Variants in SPATA16 observed in about 807,000 individuals in gnomAD.
SPATA16 encodes spermatogenesis-associated protein 16.
In SPATA16, 36 loss-of-function variants were observed where a neutral mutation model predicts 63.3. That is an observed-to-expected ratio of 0.57 (90% CI 0.44 to 0.75). The LOEUF (loss-of-function observed/expected upper bound fraction) is 0.75, where lower values mean the gene tolerates loss of function less well. Ranked by LOEUF, SPATA16 falls within the 30% of genes least tolerant of loss-of-function variation. SPATA16 has a pLI of 0.00. For missense variants in SPATA16, 646 were observed against 679.3 expected (o/e 0.95, Z 0.54); for synonymous variants, 203 against 216.7 (o/e 0.94, Z 0.56).
intron 4 of SPATA16, among the ~76,000 whole-genome samples, chr3:172,991,516 A>T (rs1016191749): frequency 1.3e-5 from 2 of 152,176 alleles, no homozygotes; most frequent in Non-Finnish European, 2.9e-5. Context: ...TAGAGATAAC[A>T]TGTATTTATC....
intron 6 of SPATA16, among the ~76,000 whole-genome samples, chr3:172,942,270 C>T (rs973917676): frequency 2.0e-5 from 3 of 151,982 alleles, no homozygotes; most frequent in Non-Finnish European, 4.4e-5. Context: ...AGATTGACTA[C>T]ATAAATAAGT....
At position 173,117,589 on chromosome 3, in the gene SPATA16, T is replaced by C. The variant is rs1224345614; in HGVS notation, c.143A>G (p.Lys48Arg). 6.2e-7 allele frequency: 1 copy of C among 1,613,684 alleles called. No individual in the cohort carries two copies. The highest frequency in any genetic ancestry group is 1.7e-5 in the Admixed American group (1 of 59,938). ...TACCTGTTTACCTCCACAGTTTTTC[T>C]TAATCTCTTGTGACATTTCCAGGAT... ...PNILEMSQEI[K>R]KNCGGKQVEI... Residue 48 changes from lysine to arginine, a missense_variant, in exon 2 of 11, where the codon AAG becomes AGG. By Grantham distance (26) the Lys-to-Arg change is conservative. Coordinates refer to ENST00000351008, the MANE Select transcript of SPATA16 (RefSeq NM_031955.6).
chr3:173,130,481 T>C (rs1458857502), intron 1 of SPATA16, among the ~76,000 whole-genome samples: 3 of 151,112 alleles, frequency 2.0e-5, no homozygotes, highest in African/African-American at 7.3e-5. Context: ...ACTTAACCCC[T>C]ACACTGTCCT....
chr3:172,962,312 T>C (rs931063553), intron 5 of SPATA16, among the ~76,000 whole-genome samples: 1 of 128,938 alleles, frequency 7.8e-6, no homozygotes, highest in South Asian at 2.6e-4. Flanking sequence ...TGGCACTACA[T>C]AGTGGAAGCA....
intron 10 of SPATA16, among the ~76,000 whole-genome samples, chr3:172,905,329 A>G (rs1732210899): frequency 6.6e-6 from 1 of 152,186 alleles, no homozygotes; most frequent in South Asian, 2.1e-4. Context: ...CTTCGAAAAG[A>G]CAGCAGTACC....
chr3:173,139,001 A>G (rs1259517525), intron 1 of SPATA16, among the ~76,000 whole-genome samples: 1 of 152,140 alleles, frequency 6.6e-6, no homozygotes, highest in Non-Finnish European at 1.5e-5. Flanking sequence ...TTTTATAATA[A>G]TTTTCCCCAT....
chr3:173,015,187 C>T (rs1370895946), intron 4 of SPATA16, among the ~76,000 whole-genome samples: 3 of 152,020 alleles, frequency 2.0e-5, no homozygotes, highest in Non-Finnish European at 4.4e-5. Context: ...CCTCAGCCTC[C>T]CAAGTAGCTG....
At position 173,117,588 on chromosome 3, in the gene SPATA16, C is replaced by T; in HGVS notation, c.144G>A (p.Lys48=). 1 of 1,613,458 alleles carries T rather than the reference C, an allele frequency of 6.2e-7. No homozygotes were observed. The highest frequency in any genetic ancestry group is 8.5e-7 in the Non-Finnish European group (1 of 1,179,736). The part of the protein sequence containing the change: ...PNILEMSQEI[K]KNCGGKQVEI... ...CTACCTGTTTACCTCCACAGTTTTT[C>T]TTAATCTCTTGTGACATTTCCAGGA... The change falls in exon 2 of 11, where the codon AAG becomes AAA. Residue 48 remains lysine, a synonymous_variant. Coordinates refer to ENST00000351008, the MANE Select transcript of SPATA16 (RefSeq NM_031955.6).
intron 1 of SPATA16, among the ~76,000 whole-genome samples, chr3:173,121,402 G>C (rs898028044): frequency 6.6e-6 from 1 of 152,066 alleles, no homozygotes; most frequent in Non-Finnish European, 1.5e-5. Context: ...TGAACATCTT[G>C]TTTATTCCAA....
At chr3:173,033,176 AT>A (rs1354488829) in intron 3 of SPATA16, among the ~76,000 whole-genome samples, 1 of 152,084 alleles carries the variant, frequency 6.6e-6, no homozygotes, top group African/African-American at 2.4e-5. Flanking sequence ...AAAAATATAT[AT>A]TTTTTTATAA....
chr3:173,038,494 G>T (rs1175146671), intron 3 of SPATA16, among the ~76,000 whole-genome samples: 2 of 151,996 alleles, frequency 1.3e-5, no homozygotes, highest in Non-Finnish European at 2.9e-5. Flanking sequence ...TGGATATCTA[G>T]TATTCATCAG....
rs199512283 is a variant in SPATA16, at chr3:172,956,685, A to G, written c.1073T>C (p.Met358Thr). The G allele has an allele frequency of 5.6e-6, 9 of 1,611,764 alleles. No homozygotes were observed. Among genetic ancestry groups the G allele is most frequent in the Admixed American group, 1.7e-5 (1 of 59,926 alleles). ...TKTHPAYAEY[M>T]YTDLQALHML... ...AAGATATTGAATCTTACCTGTGTAC[A>G]TATACTCTGCATATGCAGGATGAGT... The change falls in exon 6 of 11, where the codon ATG becomes ACG. Residue 358 changes from methionine (M) to threonine (T), a missense_variant. Physicochemically the swap from Met to Thr is moderately conservative, Grantham distance 81. Coordinates refer to ENST00000351008, the MANE Select transcript of SPATA16 (RefSeq NM_031955.6).
At chr3:173,072,490 T>TG (rs1185079774) in intron 2 of SPATA16, among the ~76,000 whole-genome samples, 1 of 152,172 alleles carries the variant, frequency 6.6e-6, no homozygotes, top group Non-Finnish European at 1.5e-5. Flanking sequence ...AATTGAATCA[T>TG]GGGGGCAATT....
intron 10 of SPATA16, among the ~76,000 whole-genome samples, chr3:172,913,371 A>C (rs1227706039): frequency 6.6e-6 from 1 of 152,150 alleles, no homozygotes; most frequent in African/African-American, 2.4e-5. Flanking sequence ...GAATTATAAA[A>C]CCGAGAACGA....
chr3:173,114,133 T>C (rs1577181455), intron 2 of SPATA16, among the ~76,000 whole-genome samples: 1 of 147,290 alleles, frequency 6.8e-6, no homozygotes, highest in East Asian at 2.0e-4. Flanking sequence ...TGAGCTGAGA[T>C]TGCACCACTG....
At chr3:173,041,842 T>G (rs1436274415) in intron 3 of SPATA16, among the ~76,000 whole-genome samples, 3 of 151,978 alleles carry the variant, frequency 2.0e-5, no homozygotes, top group Non-Finnish European at 2.9e-5. Flanking sequence ...TTAGGAGATA[T>G]ACCTAATGTT....
intron 6 of SPATA16, among the ~76,000 whole-genome samples, chr3:172,948,042 G>A (rs1459079179): frequency 6.6e-6 from 1 of 151,698 alleles, no homozygotes; most frequent in Non-Finnish European, 1.5e-5. Flanking sequence ...GAGGAAGTAG[G>A]GAGAGAGAGA....
chr3:172,897,710 G>C lies in SPATA16; in HGVS notation c.1588-8018C>G, dbSNP rs1356831662. 2.0e-5 allele frequency among the ~76,000 whole-genome samples: 3 copies of C among 151,968 alleles called. No homozygotes were observed. The East Asian group carries it at 5.8e-4, about 29-fold the overall frequency. On this transcript the variant is annotated intron_variant, in intron 10 of 10. Coordinates refer to ENST00000351008, the MANE Select transcript of SPATA16 (RefSeq NM_031955.6). ...ATTATGTTATCTGCAAATAGGGAAG[G>C]GCAGATTTATTTCTTCCTGTTTTAC...
chr3:172,925,995 T>G (rs571788331), intron 6 of SPATA16, among the ~76,000 whole-genome samples: 1 of 152,146 alleles, frequency 6.6e-6, no homozygotes, highest in South Asian at 2.1e-4. Flanking sequence ...CCAGCTGATT[T>G]TTGTATTTTT....
Sources: allele counts gnomAD v4.1 joint callset (sites outside exome capture counted in the v4.1 genomes callset), GRCh38; gene constraint gnomAD v4.1.1; transcripts MANE v1.5; gene names NCBI Gene and HGNC (gene_info 2026-07-23, HGNC 2026-07-21).